The following SLC44A5 variants were observed in gnomAD, a reference collection of about 807,000 sequenced individuals.
SLC44A5 encodes the protein choline transporter-like protein 5.
SLC44A5 carries 57 observed loss-of-function variants against 101.8 expected under a neutral mutation model. The observed-to-expected ratio is 0.56, with a 90% confidence interval of 0.45 to 0.70. SLC44A5 has a LOEUF of 0.70. Among genes scored for constraint, SLC44A5 ranks in the 30% least tolerant of loss-of-function variants. SLC44A5 has a pLI of 0.00. For synonymous variants in SLC44A5, 281 were observed against 290.9 expected (o/e 0.97, Z 0.35); for missense variants, 737 against 853.1 (o/e 0.86, Z 1.70).
At chr1:75,275,866 G>T (rs1420166827) in intron 5 of SLC44A5, among the ~76,000 whole-genome samples, 1 of 151,988 alleles carries the variant, frequency 6.6e-6, no homozygotes, top group Non-Finnish European at 1.5e-5. Context: ...ATGTGCTTGG[G>T]TCATCTAATG....
chr1:75,580,886 G>T (rs533779052), intron 1 of SLC44A5, among the ~76,000 whole-genome samples: 1 of 151,324 alleles, frequency 6.6e-6, no homozygotes, highest in Non-Finnish European at 1.5e-5. Context: ...AAGGAAAGAG[G>T]GCCCATATGT....
chr1:75,281,944 A>G (rs1652628974), intron 5 of SLC44A5, among the ~76,000 whole-genome samples: 1 of 152,100 alleles, frequency 6.6e-6, no homozygotes, highest in South Asian at 2.1e-4. Context: ...AGGGAAATAT[A>G]AAGTCAGAAC....
chr1:75,508,232 A>G (rs1669378533), intron 2 of SLC44A5, among the ~76,000 whole-genome samples: 2 of 152,184 alleles, frequency 1.3e-5, no homozygotes, highest in Admixed American at 1.3e-4. Context: ...TGGAAATTAA[A>G]CAACTTGCTC....
At chr1:75,373,321 C>G (rs1660351140) in intron 3 of SLC44A5, among the ~76,000 whole-genome samples, 1 of 152,106 alleles carries the variant, frequency 6.6e-6, no homozygotes, top group Non-Finnish European at 1.5e-5. Flanking sequence ...AAGACCAGCT[C>G]CTGGCCCTCA....
chr1:75,401,699 C>T (rs558669814), intron 2 of SLC44A5, among the ~76,000 whole-genome samples: 1 of 152,140 alleles, frequency 6.6e-6, no homozygotes, highest in East Asian at 1.9e-4. Flanking sequence ...GCCCCAGCTG[C>T]TCCCCATCTA....
At chr1:75,256,128 AG>A (rs1650001744) in intron 6 of SLC44A5, among the ~76,000 whole-genome samples, 1 of 152,150 alleles carries the variant, frequency 6.6e-6, no homozygotes, top group Non-Finnish European at 1.5e-5. Context: ...GAAATTAAAA[AG>A]TTAACTGGGC....
In SLC44A5 at chr1:75,398,349, T is replaced by C. The variant is rs1206020632; in HGVS notation, c.14-1728A>G. On this transcript the variant is annotated intron_variant, in intron 2 of 23. Transcript: ENST00000370859. ...TCCCTCAGCTATATAAACTAGTAAATTTCACCTGCAGACCCAGTCCCATTT... is the reference window on the plus strand; with the variant it reads ...TCCCTCAGCTATATAAACTAGTAAACTTCACCTGCAGACCCAGTCCCATTT... The C allele has an allele frequency of 6.1e-6, 6 of 984,890 alleles. No individual in the cohort carries two copies. The East Asian group carries it at 4.5e-4, about 74-fold the overall frequency. The allele number at this position is 984,890 out of a possible 1,614,324, so 61.0% of individuals were successfully genotyped here.
intron 22 of SLC44A5, among the ~76,000 whole-genome samples, chr1:75,213,296 T>C (rs1029177324): frequency 3.9e-5 from 6 of 152,180 alleles, no homozygotes; most frequent in Admixed American, 2.6e-4. Context: ...ATTTCTACTA[T>C]TCCTTTTTAA....
chr1:75,279,209 C>A (rs1357256636), intron 5 of SLC44A5, among the ~76,000 whole-genome samples: 1 of 152,146 alleles, frequency 6.6e-6, no homozygotes, highest in African/African-American at 2.4e-5. Context: ...CTCCCTCATT[C>A]CCTTTCCAGC....
the SLC44A5 span, among the ~76,000 whole-genome samples, chr1:75,696,653 T>G: frequency 6.6e-6 from 1 of 152,012 alleles, no homozygotes; most frequent in African/African-American, 2.4e-5. Flanking sequence ...CCCAGCACTT[T>G]GGGAGGCCGA....
intron 2 of SLC44A5, among the ~76,000 whole-genome samples, chr1:75,536,297 CTT>C (rs1670995133): frequency 6.6e-6 from 1 of 152,024 alleles, no homozygotes; most frequent in Non-Finnish European, 1.5e-5. Context: ...GAAAAAGTGT[CTT>C]CATAAAAATG....
chr1:75,278,111 G>A (rs1251037145), intron 5 of SLC44A5, among the ~76,000 whole-genome samples: 1 of 151,960 alleles, frequency 6.6e-6, no homozygotes, highest in Non-Finnish European at 1.5e-5. Context: ...TCTCCAAATT[G>A]GGACATACTG....
chr1:75,660,238 G>A, the SLC44A5 span, among the ~76,000 whole-genome samples: 1 of 152,020 alleles, frequency 6.6e-6, no homozygotes, highest in South Asian at 2.1e-4. Flanking sequence ...AAAACAAAAT[G>A]ATCATTTCAG....
rs911880246 is a variant in SLC44A5, at chr1:75,330,114, C to T, written c.101+9468G>A. Among the ~76,000 whole-genome samples the T allele has an allele frequency of 9.2e-3, 1,228 of 134,036 alleles. 18 individuals are homozygous for T. The highest frequency in any genetic ancestry group is 0.033 in the African/African-American group (1,177 of 35,480). The allele number at this position is 134,036 out of a possible 152,430, so 87.9% of individuals were successfully genotyped here. A position where few individuals can be genotyped will look rare whatever the true frequency, so the allele number is the denominator to read the frequency against. On this transcript the variant is annotated intron_variant, in intron 4 of 23. Transcript: ENST00000370859. ...AATGAAATATATATATATACACACACACACACACACACACACACACACACA... is the reference window on the plus strand; with the variant it reads ...AATGAAATATATATATATACACACATACACACACACACACACACACACACA...
At chr1:75,688,237 C>A in the SLC44A5 span, among the ~76,000 whole-genome samples, 211 of 152,200 alleles carry the variant, frequency 1.4e-3, 1 homozygote, top group Non-Finnish European at 2.5e-3. Context: ...ATAACTTTTC[C>A]CAGGAAGAGT....
At chr1:75,226,356 C>T (rs1436179325) in intron 13 of SLC44A5, among the ~76,000 whole-genome samples, 1 of 151,986 alleles carries the variant, frequency 6.6e-6, no homozygotes, top group Non-Finnish European at 1.5e-5. Flanking sequence ...AAAGCATCTC[C>T]CACCGCTGTC....
chr1:75,629,259 T>G, the SLC44A5 span, among the ~76,000 whole-genome samples: 1 of 152,090 alleles, frequency 6.6e-6, no homozygotes, highest in Non-Finnish European at 1.5e-5. Flanking sequence ...AAATTGCTAC[T>G]GGGGAGAAAT....
chr1:75,401,449 A>C (rs936906489), intron 2 of SLC44A5, among the ~76,000 whole-genome samples: 1 of 152,236 alleles, frequency 6.6e-6, no homozygotes, highest in African/African-American at 2.4e-5. Flanking sequence ...CAAGGTGTGA[A>C]GACAGCATTT....
At chr1:75,478,056 G>A (rs575710236) in intron 2 of SLC44A5, among the ~76,000 whole-genome samples, 6 of 152,272 alleles carry the variant, frequency 3.9e-5, no homozygotes, top group Non-Finnish European at 7.3e-5. Context: ...CGGATCTCCC[G>A]GCAGAAACTC....
Sources: allele counts gnomAD v4.1 joint callset (sites outside exome capture counted in the v4.1 genomes callset), GRCh38; gene constraint gnomAD v4.1.1; transcripts MANE v1.5; gene names NCBI Gene and HGNC (gene_info 2026-07-23, HGNC 2026-07-21).